RAPGEF2: variants seen among roughly 807,000 people sequenced by gnomAD.
RAPGEF2 encodes the protein Rap guanine nucleotide exchange factor 2.
Under a neutral mutation model 186.7 loss-of-function variants are expected in RAPGEF2, and 54 were observed. The ratio of observed to expected loss-of-function variants is 0.29; its 90% confidence interval spans 0.23 to 0.36. RAPGEF2 has a LOEUF of 0.36. RAPGEF2 is among the 10% of genes least tolerant of loss of function. RAPGEF2 has a pLI of 1.00. For missense variants in RAPGEF2, 1,532 were observed against 2,045.0 expected (o/e 0.75, Z 4.84); for synonymous variants, 712 against 705.9 (o/e 1.01, Z -0.14).
At chr4:159,174,889 T>G (rs1746301593) in intron 1 of RAPGEF2, among the ~76,000 whole-genome samples, 1 of 152,102 alleles carries the variant, frequency 6.6e-6, no homozygotes, top group Non-Finnish European at 1.5e-5. Flanking sequence ...CTCCAGTAAC[T>G]GGGACCACAG....
intron 1 of RAPGEF2, among the ~76,000 whole-genome samples, chr4:159,123,740 G>A (rs934716881): frequency 4.6e-5 from 7 of 151,830 alleles, no homozygotes; most frequent in African/African-American, 9.7e-5. Flanking sequence ...GGATGGTCTC[G>A]ATCTCCTGAC....
intron 1 of RAPGEF2, among the ~76,000 whole-genome samples, chr4:159,172,870 G>A (rs1435814498): frequency 1.3e-5 from 2 of 150,684 alleles, no homozygotes; most frequent in African/African-American, 2.5e-5. Context: ...GTAATACCCA[G>A]CATTTTCTGT....
At chr4:159,280,311 C>T (rs1036246265) in intron 7 of RAPGEF2, among the ~76,000 whole-genome samples, 4 of 152,122 alleles carry the variant, frequency 2.6e-5, no homozygotes, top group East Asian at 1.9e-4. Context: ...GTCTTTATTA[C>T]GGTTTTGACT....
intron 1 of RAPGEF2, among the ~76,000 whole-genome samples, chr4:159,170,767 GA>G (rs1296703378): frequency 6.6e-6 from 1 of 152,114 alleles, no homozygotes; most frequent in Non-Finnish European, 1.5e-5. Context: ...GTCATTTCCA[GA>G]AAATTATTGC....
intron 2 of RAPGEF2, among the ~76,000 whole-genome samples, chr4:159,187,201 C>A (rs1415914795): frequency 6.6e-6 from 1 of 152,144 alleles, no homozygotes; most frequent in African/African-American, 2.4e-5. Flanking sequence ...AAGTTGAATT[C>A]AATTGTATCC....
At chr4:159,351,080 G>A (rs56178565) in intron 26 of RAPGEF2, 2 of 1,533,818 alleles carry the variant, frequency 1.3e-6, no homozygotes, top group Non-Finnish European at 1.7e-6. Flanking sequence ...AATCAGCTGA[G>A]ATCTTTTGGC....
At chr4:159,341,191 G>C (rs565941041) in intron 19 of RAPGEF2, among the ~76,000 whole-genome samples, 8 of 152,174 alleles carry the variant, frequency 5.3e-5, no homozygotes, top group Non-Finnish European at 1.2e-4. Flanking sequence ...TGACGTACTT[G>C]GGTCTAATCT....
chr4:159,222,027 C>G (rs1205194462), intron 4 of RAPGEF2, among the ~76,000 whole-genome samples: 1 of 152,152 alleles, frequency 6.6e-6, no homozygotes, highest in Admixed American at 6.5e-5. Context: ...AAATATTCCC[C>G]CTTCGGATAT....
intron 1 of RAPGEF2, among the ~76,000 whole-genome samples, chr4:159,169,454 TA>T (rs986393614): frequency 6.6e-6 from 1 of 152,224 alleles, no homozygotes; most frequent in African/African-American, 2.4e-5. Flanking sequence ...TTAGAACACT[TA>T]AAATTTACTT....
chr4:159,341,493 A>AT (rs767406902), intron 19 of RAPGEF2, 71 bp from the exon 20 acceptor site: 70 of 1,445,256 alleles, frequency 4.8e-5, no homozygotes, highest in Non-Finnish European at 6.3e-5. Context: ...AAAAAGTAGC[A>AT]TTATTCTTTC....
Position 159,103,495 on chromosome 4 carries a change from C to G in RAPGEF2, c.-668C>G, listed in dbSNP as rs1325990734. ...ATGCAGCAGCAGTCGGGAGGGACGGCCGAGCCCAGTAGACAGAGACCAGGA... is the reference window on the plus strand; with the variant it reads ...ATGCAGCAGCAGTCGGGAGGGACGGGCGAGCCCAGTAGACAGAGACCAGGA... On this transcript the variant is annotated 5_prime_UTR_variant, in exon 1 of 30. Coordinates refer to ENST00000691494, the MANE Select transcript of RAPGEF2 (RefSeq NM_001394067.2). 2 of 155,408 alleles carry G rather than the reference C, an allele frequency of 1.3e-5. No individual in the cohort carries two copies. The highest frequency in any genetic ancestry group is 2.9e-5 in the Non-Finnish European group (2 of 70,170). The allele number at this position is 155,408 out of a possible 1,614,324, so 9.6% of individuals were successfully genotyped here.
chr4:159,345,087 G>T lies in RAPGEF2; in HGVS notation c.3279-19G>T. 6.3e-7 allele frequency: 1 copy of T among 1,594,858 alleles called. No individual in the cohort carries two copies. Among genetic ancestry groups the T allele is most frequent in the African/African-American group, 1.3e-5 (1 of 74,652 alleles). On this transcript the variant is annotated intron_variant, in intron 23 of 29. Coordinates refer to ENST00000691494, the MANE Select transcript of RAPGEF2 (RefSeq NM_001394067.2). Reference sequence around the variant, plus strand: ...TCCCATGCTAGAGTGAGCTGCATATGTACCTTTTCATCTTCCAGGTCTCTC... The same window carrying T: ...TCCCATGCTAGAGTGAGCTGCATATTTACCTTTTCATCTTCCAGGTCTCTC...
chr4:159,291,905 T>C (rs1323058367), intron 7 of RAPGEF2, among the ~76,000 whole-genome samples: 1 of 152,202 alleles, frequency 6.6e-6, no homozygotes, highest in Non-Finnish European at 1.5e-5. Flanking sequence ...ATATTTATAT[T>C]TAAAATTTTA....
intron 7 of RAPGEF2, among the ~76,000 whole-genome samples, chr4:159,296,555 G>A (rs1762053107): frequency 6.6e-6 from 1 of 152,068 alleles, no homozygotes. Context: ...TCACCTTTTC[G>A]CTGTGTGATC....
intron 1 of RAPGEF2, among the ~76,000 whole-genome samples, chr4:159,136,137 T>C (rs890579963): frequency 2.6e-5 from 4 of 152,270 alleles, no homozygotes; most frequent in Non-Finnish European, 5.9e-5. Context: ...GTGTACGATA[T>C]TGCATTTAGC....
At position 159,350,388 on chromosome 4, in the gene RAPGEF2, G is replaced by T. The variant is rs959237463; in HGVS notation, c.3865+99G>T. On this transcript the variant is annotated intron_variant, in intron 26 of 29. Coordinates refer to ENST00000691494, the MANE Select transcript of RAPGEF2 (RefSeq NM_001394067.2). ...GTATTACATAATTCCTAACATTATA[G>T]TCATTTAAGATGAGCTCATTTGCAA... 27 of 1,064,674 alleles carry T rather than the reference G, an allele frequency of 2.5e-5. No individual in the cohort carries two copies. The African/African-American group carries it at 4.3e-4, about 17-fold the overall frequency. The allele number at this position is 1,064,674 out of a possible 1,614,324, so 66.0% of individuals were successfully genotyped here.
intron 4 of RAPGEF2, among the ~76,000 whole-genome samples, chr4:159,235,158 C>G (rs975208812): frequency 6.6e-6 from 1 of 152,164 alleles, no homozygotes; most frequent in African/African-American, 2.4e-5. Flanking sequence ...TGTTTTTCCC[C>G]TTAGAAACTC....
intron 7 of RAPGEF2, 105 bp downstream of exon 7, chr4:159,243,896 T>G (rs1314122178): frequency 1.1e-6 from 1 of 883,772 alleles, no homozygotes. Context: ...CTTCGTCTTG[T>G]CCTTCTGTAT....
intron 1 of RAPGEF2, chr4:159,128,795 C>T (rs978180340): frequency 3.4e-5 from 5 of 148,700 alleles, no homozygotes; most frequent in African/African-American, 9.9e-5. Flanking sequence ...GAAGCTGAAC[C>T]AAAAGTTCTT....
Sources: gnomAD v4.1 joint callset for allele counts (sites outside exome capture counted in the v4.1 genomes callset) on GRCh38, gnomAD v4.1.1 for gene constraint, MANE v1.5 for transcripts, NCBI Gene and HGNC (gene_info 2026-07-23, HGNC 2026-07-21) for gene names.